The following ROBO1 variants were observed in gnomAD, a reference collection of about 807,000 sequenced individuals.
The protein encoded by ROBO1 is roundabout homolog 1.
Under a neutral mutation model 195.9 loss-of-function variants are expected in ROBO1, and 149 were observed. That is an observed-to-expected ratio of 0.76 (90% CI 0.67 to 0.87). The LOEUF is 0.87. ROBO1 is among the 40% of genes least tolerant of loss of function. The pLI is 0.00. For missense variants in ROBO1, 1,933 were observed against 2,068.3 expected (o/e 0.93, Z 1.27); for synonymous variants, 816 against 733.2 (o/e 1.11, Z -1.82).
Position 79,303,159 on chromosome 3 carries a change from GGTTTTTTTTT to G in ROBO1, c.89-177630_89-177621del, listed in dbSNP as rs1010460775. 4.2e-5 allele frequency among the ~76,000 whole-genome samples: 3 copies of G among 72,090 alleles called. No individual in the cohort carries two copies. The Admixed American group carries it at 5.7e-4, about 14-fold the overall frequency. 47.3% of individuals were successfully genotyped at this position (72,090 alleles called of 152,430 possible). ...ATTAATATATGAATTATCTCACATAGGTTTTTTTTTTTTTTTTTTTTTTTGGAGATGGAGT... is the reference window on the plus strand; with the variant it reads ...ATTAATATATGAATTATCTCACATAGTTTTTTTTTTTTTTGGAGATGGAGT... On this transcript the variant is annotated intron_variant, in intron 2 of 30. Transcript: ENST00000464233.
intron 2 of ROBO1, among the ~76,000 whole-genome samples, chr3:79,485,106 T>G (rs538874014): frequency 6.6e-6 from 1 of 152,304 alleles, no homozygotes; most frequent in Non-Finnish European, 1.5e-5. Flanking sequence ...GAGATTTTCC[T>G]ATATTAATTG....
At chr3:78,639,979 C>A in intron 21 of ROBO1, 81 bp from the exon 22 acceptor site, 1 of 1,161,940 alleles carries the variant, frequency 8.6e-7, no homozygotes. Context: ...ATAAATTCCT[C>A]ATCTTGTTAT....
chr3:79,452,518 A>G (rs2039478590), intron 2 of ROBO1, among the ~76,000 whole-genome samples: 1 of 152,136 alleles, frequency 6.6e-6, no homozygotes, highest in Admixed American at 6.6e-5. Flanking sequence ...TGTCACTATT[A>G]AATCTAAACT....
At chr3:78,915,527 C>A (rs1261694274) in intron 4 of ROBO1, among the ~76,000 whole-genome samples, 1 of 152,082 alleles carries the variant, frequency 6.6e-6, no homozygotes, top group Non-Finnish European at 1.5e-5. Flanking sequence ...GAATGATTAG[C>A]TTTTCCTCTT....
chr3:78,770,511 A>G (rs936336853), intron 4 of ROBO1, among the ~76,000 whole-genome samples: 1 of 152,196 alleles, frequency 6.6e-6, no homozygotes, highest in African/African-American at 2.4e-5. Context: ...AGCTCCTTAT[A>G]GATTCTGAAT....
chr3:78,751,072 C>T (rs536240829), intron 4 of ROBO1, among the ~76,000 whole-genome samples: 8 of 152,204 alleles, frequency 5.3e-5, no homozygotes, highest in Admixed American at 3.9e-4. Flanking sequence ...TGCATCACTG[C>T]GCTACAGTCT....
intron 4 of ROBO1, among the ~76,000 whole-genome samples, chr3:78,761,917 T>G (rs1308916313): frequency 1.3e-5 from 2 of 152,084 alleles, no homozygotes; most frequent in African/African-American, 4.8e-5. Flanking sequence ...TTTCTCACAT[T>G]GTAAATGTTA....
intron 3 of ROBO1, among the ~76,000 whole-genome samples, chr3:79,020,122 T>G (rs1241187121): frequency 2.0e-5 from 3 of 152,140 alleles, no homozygotes; most frequent in Non-Finnish European, 2.9e-5. Flanking sequence ...GGATGTAATT[T>G]TAAGAGAGAG....
chr3:79,189,101 T>C (rs2081493246), intron 2 of ROBO1, among the ~76,000 whole-genome samples: 1 of 151,806 alleles, frequency 6.6e-6, no homozygotes, highest in Non-Finnish European at 1.5e-5. Flanking sequence ...CTGCCCAGTT[T>C]ATAGTATTTG....
At chr3:78,627,192 C>T (rs945750537) in intron 26 of ROBO1, 129 bp downstream of exon 26, 3 of 982,642 alleles carry the variant, frequency 3.1e-6, no homozygotes, top group African/African-American at 3.3e-5. Flanking sequence ...CCTGGGTTTA[C>T]TATGGGATGA....
intron 4 of ROBO1, among the ~76,000 whole-genome samples, chr3:78,827,231 A>G (rs1462304826): frequency 6.6e-6 from 1 of 152,202 alleles, no homozygotes; most frequent in East Asian, 1.9e-4. Flanking sequence ...TAAACAGCAA[A>G]GTATGATTAA....
chr3:79,761,716 T>A (rs1254650614), intron 1 of ROBO1, among the ~76,000 whole-genome samples: 1 of 152,216 alleles, frequency 6.6e-6, no homozygotes, highest in East Asian at 1.9e-4. Flanking sequence ...TGTGATCTAA[T>A]TTACTATACT....
chr3:78,640,786 G>A (rs937387200), intron 21 of ROBO1, among the ~76,000 whole-genome samples: 2 of 151,610 alleles, frequency 1.3e-5, no homozygotes, highest in Non-Finnish European at 2.9e-5. Flanking sequence ...AAGAGGTGAC[G>A]TCCCATTCAC....
rs75530291 is a variant in ROBO1, at chr3:78,973,111, G to C, written c.173-34184C>G. Among the ~76,000 whole-genome samples the C allele has an allele frequency of 1.4e-4, 22 of 152,260 alleles. No homozygotes were observed. In the East Asian group the frequency reaches 3.7e-3, roughly 25 times the overall value. ...CTATGGCTTGAGCAAATGAGTCAAT[G>C]AGTTTTTGCTGTCTTGTTGTTACTC... is the stretch of plus-strand genomic sequence containing the variant. On this transcript the variant is annotated intron_variant, in intron 3 of 30. Coordinates refer to ENST00000464233, the MANE Select transcript of ROBO1 (RefSeq NM_002941.4).
intron 2 of ROBO1, among the ~76,000 whole-genome samples, chr3:79,414,057 T>C (rs2037893789): frequency 6.6e-6 from 1 of 152,130 alleles, no homozygotes; most frequent in Non-Finnish European, 1.5e-5. Flanking sequence ...CTACTTTATA[T>C]ACTCCTAATA....
At chr3:78,705,309 T>G (rs2081523507) in intron 8 of ROBO1, among the ~76,000 whole-genome samples, 1 of 152,188 alleles carries the variant, frequency 6.6e-6, no homozygotes, top group African/African-American at 2.4e-5. Context: ...ATAGAAACAG[T>G]AACAACAACT....
chr3:78,629,694 C>T (rs1559668141), intron 25 of ROBO1, among the ~76,000 whole-genome samples: 2 of 96,698 alleles, frequency 2.1e-5, no homozygotes, highest in Admixed American at 1.9e-4. Flanking sequence ...ACCAAACATA[C>T]AGTTTCGTTT....
intron 14 of ROBO1, among the ~76,000 whole-genome samples, chr3:78,665,499 A>G (rs1707679302): frequency 6.6e-6 from 1 of 152,110 alleles, no homozygotes; most frequent in Non-Finnish European, 1.5e-5. Context: ...CATCAGTCCA[A>G]TCTGTTGAGT....
chr3:79,121,183 G>A (rs577429972), intron 3 of ROBO1, among the ~76,000 whole-genome samples: 4 of 152,202 alleles, frequency 2.6e-5, no homozygotes, highest in South Asian at 4.1e-4. Flanking sequence ...GGCCTTGCAT[G>A]CGTGTAGTAA....
Sources: gnomAD v4.1 joint callset for allele counts (sites outside exome capture counted in the v4.1 genomes callset) on GRCh38, gnomAD v4.1.1 for gene constraint, MANE v1.5 for transcripts, NCBI Gene and HGNC (gene_info 2026-07-23, HGNC 2026-07-21) for gene names.